Variants in ACTN1 observed in about 807,000 individuals in gnomAD.
ACTN1 encodes alpha-actinin-1.
ACTN1 carries 30 observed loss-of-function variants against 119.6 expected under a neutral mutation model. The ratio of observed to expected loss-of-function variants is 0.25; its 90% confidence interval spans 0.19 to 0.34. The LOEUF (loss-of-function observed/expected upper bound fraction) is 0.34. Among genes scored for constraint, ACTN1 ranks in the 10% least tolerant of loss-of-function variants. The pLI is 1.00. For missense variants in ACTN1, 764 were observed against 1,223.4 expected (o/e 0.62, Z 5.60); for synonymous variants, 429 against 472.6 (o/e 0.91, Z 1.20).
chr14:68,912,472 G>A (rs546680060), intron 3 of ACTN1, among the ~76,000 whole-genome samples: 3 of 152,226 alleles, frequency 2.0e-5, no homozygotes, highest in African/African-American at 7.2e-5. Flanking sequence ...TCCAAATCCT[G>A]GGCTCAAGCG....
intron 1 of ACTN1, among the ~76,000 whole-genome samples, chr14:68,938,864 T>A (rs904229736): frequency 6.6e-6 from 1 of 152,140 alleles, no homozygotes; most frequent in Admixed American, 6.5e-5. Context: ...TCCCCACTGA[T>A]GAGAGAACTC....
chr14:68,897,882 T>G lies in ACTN1; in HGVS notation c.763-4135A>C, dbSNP rs537192645. Among the ~76,000 whole-genome samples, 3 of 152,386 alleles carry G rather than the reference T, an allele frequency of 2.0e-5. No homozygotes were observed. In the South Asian group the frequency reaches 6.2e-4, roughly 32 times the overall value. On this transcript the variant is annotated intron_variant, in intron 8 of 21. Coordinates refer to ENST00000394419, the MANE Select transcript of ACTN1 (RefSeq NM_001130004.2). ...CTCAGGCAGCCCACACCTTGCCAGCTTCCTCTCCTACTGCAGGCTCCGCCT... is the reference window on the plus strand; with the variant it reads ...CTCAGGCAGCCCACACCTTGCCAGCGTCCTCTCCTACTGCAGGCTCCGCCT...
chr14:68,966,203 C>T (rs751922250), intron 1 of ACTN1, among the ~76,000 whole-genome samples: 2 of 151,984 alleles, frequency 1.3e-5, no homozygotes, highest in Non-Finnish European at 2.9e-5. Flanking sequence ...GGTGACAGAG[C>T]GAGACCCTGT....
At chr14:68,933,593 C>T (rs1051326114) in intron 1 of ACTN1, among the ~76,000 whole-genome samples, 5 of 152,180 alleles carry the variant, frequency 3.3e-5, no homozygotes, top group Admixed American at 2.6e-4. Context: ...CTCTGTATCA[C>T]GGCAGGAGGT....
intron 6 of ACTN1, among the ~76,000 whole-genome samples, chr14:68,905,122 C>T (rs2033587496): frequency 6.6e-6 from 1 of 152,222 alleles, no homozygotes; most frequent in Non-Finnish European, 1.5e-5. Context: ...CTAACCTGAC[C>T]TCAGCTTCTC....
At chr14:68,932,832 C>A (rs1430730418) in intron 1 of ACTN1, among the ~76,000 whole-genome samples, 1 of 152,126 alleles carries the variant, frequency 6.6e-6, no homozygotes, top group Admixed American at 6.5e-5. Flanking sequence ...CTGGACCACA[C>A]CCTAGTTGCT....
rs35909929 is a variant in ACTN1, at chr14:68,879,157, G to A, written c.2281-88C>T. ...GGCATGCCCCGGGGGAGGGTGGCGT[G>A]TGTGGGGAGACACAGGGACAGGCAT... On this transcript the variant is annotated intron_variant, in intron 18 of 21. Coordinates refer to ENST00000394419, the MANE Select transcript of ACTN1 (RefSeq NM_001130004.2). This position sits in a 1 kb window ranked among gnomAD's most constrained non-coding sequence, Gnocchi z 4.9. The A allele has an allele frequency of 4.6e-3, 4,665 of 1,005,420 alleles. 14 individuals carry two copies. Among genetic ancestry groups the A allele is most frequent in the Non-Finnish European group, 5.7e-3 (4,146 of 731,764 alleles). The allele number at this position is 1,005,420 out of a possible 1,614,324, so 62.3% of individuals were successfully genotyped here.
chr14:68,893,514 C>T, intron 9 of ACTN1, 141 bp downstream of exon 9: 2 of 760,414 alleles, frequency 2.6e-6, no homozygotes, highest in African/African-American at 3.5e-5. Flanking sequence ...CACAACAGAG[C>T]TCAGGCTGCC....
chr14:68,909,873 G>T lies in ACTN1; in HGVS notation c.515+82C>A. On this transcript the variant is annotated intron_variant, in intron 5 of 21. Transcript: ENST00000394419. The surrounding 1 kb of genome is among the most constrained non-coding windows in gnomAD (Gnocchi z 4.1). ...GGTCTCCACTTTGTTCTAAAGCTGAGACTGACCCAGCCAAGGGGGTCTGGG... is the reference window on the plus strand; with the variant it reads ...GGTCTCCACTTTGTTCTAAAGCTGATACTGACCCAGCCAAGGGGGTCTGGG... 8.1e-7 allele frequency: 1 copy of T among 1,234,712 alleles called. No homozygotes were observed. The highest frequency in any genetic ancestry group is 1.2e-6 in the Non-Finnish European group (1 of 850,336). 76.5% of individuals were successfully genotyped at this position (1,234,712 alleles called of 1,614,324 possible).
intron 14 of ACTN1, chr14:68,883,366 C>T (rs2031730698): frequency 3.1e-6 from 1 of 327,326 alleles, no homozygotes; most frequent in South Asian, 8.6e-5. Context: ...ACAACATGAG[C>T]TTCCTTAGCT....
intron 1 of ACTN1, among the ~76,000 whole-genome samples, chr14:68,949,944 A>T (rs8011150): frequency 6.6e-6 from 1 of 151,968 alleles, no homozygotes; most frequent in African/African-American, 2.4e-5. Context: ...AATTATCAGG[A>T]CTGGGGGTCA....
In ACTN1 at chr14:68,910,058, T is replaced by A. The variant is rs872810; in HGVS notation, c.428-16A>T. The A allele has an allele frequency of 6.2e-7, 1 of 1,609,608 alleles. No homozygotes were observed. The highest frequency in any genetic ancestry group is 1.1e-5 in the South Asian group (1 of 90,850). On this transcript the variant is annotated splice_polypyrimidine_tract_variant and intron_variant, in intron 4 of 21. Transcript: ENST00000394419. Reference sequence around the variant, plus strand: ...GCTGAAGTCTCTATGGGGAAGGGGATGGGCAGCGAGGTCAGAGGGCTGACT... The same window carrying A: ...GCTGAAGTCTCTATGGGGAAGGGGAAGGGCAGCGAGGTCAGAGGGCTGACT...
chr14:68,917,618 G>T (rs951987174), intron 3 of ACTN1, among the ~76,000 whole-genome samples: 1 of 152,144 alleles, frequency 6.6e-6, no homozygotes, highest in Non-Finnish European at 1.5e-5. Flanking sequence ...AACGCCATTT[G>T]CTGCCTCATC....
At chr14:68,875,369 G>A (rs1440235255) in intron 21 of ACTN1, among the ~76,000 whole-genome samples, 1 of 152,256 alleles carries the variant, frequency 6.6e-6, no homozygotes, top group Admixed American at 6.5e-5. Flanking sequence ...GGAGCGTATA[G>A]GTTCCTGGGG....
Position 68,902,516 on chromosome 14 carries a change from G to T in ACTN1, c.723C>A (p.Tyr241Ter). ...AGAAGGCGTGGTAGAAGCTAGACAC[G>T]TAAGTCATGATGGCTTTCTCATCCG... ...ARPDEKAIMTYVSSFYHAFSG... is the reference protein window; with the variant it reads ...ARPDEKAIMT The change falls in exon 8 of 22, where the codon TAC becomes TAA. Residue 241 changes from tyrosine (Y) to a stop codon, truncating the protein, a stop_gained. Transcript: ENST00000394419. LOFTEE classifies it high-confidence loss of function. 6.2e-7 allele frequency: 1 copy of T among 1,613,864 alleles called. No individual in the cohort carries two copies. Among genetic ancestry groups the T allele is most frequent in the Non-Finnish European group, 8.5e-7 (1 of 1,179,892 alleles).
chr14:68,966,878 A>G (rs1338569565), intron 1 of ACTN1, among the ~76,000 whole-genome samples: 1 of 152,226 alleles, frequency 6.6e-6, no homozygotes, highest in Non-Finnish European at 1.5e-5. Context: ...GCTCAGCCAA[A>G]TGCAATAACC....
chr14:68,963,217 G>A lies in ACTN1; in HGVS notation c.105+15735C>T, dbSNP rs920255297. ...AGGAAGTCCTACCTGTCTCCTCCAGGATGGGCTGGAGCCTTCCTTGGAACT... is the reference window on the plus strand; with the variant it reads ...AGGAAGTCCTACCTGTCTCCTCCAGAATGGGCTGGAGCCTTCCTTGGAACT... On this transcript the variant is annotated intron_variant, in intron 1 of 21. Coordinates refer to ENST00000394419, the MANE Select transcript of ACTN1 (RefSeq NM_001130004.2). Among the ~76,000 whole-genome samples, 7 of 152,060 alleles carry A rather than the reference G, an allele frequency of 4.6e-5. No homozygotes were observed. The East Asian group carries it at 1.2e-3, about 25-fold the overall frequency.
chr14:68,939,261 G>A (rs1378334672), intron 1 of ACTN1, among the ~76,000 whole-genome samples: 3 of 152,156 alleles, frequency 2.0e-5, no homozygotes, highest in African/African-American at 7.2e-5. Context: ...TCGCCAATGA[G>A]AGTCAACTGC....
rs1272994302 is a variant in ACTN1, at chr14:68,925,041, G to A, written c.220+517C>T. Among the ~76,000 whole-genome samples, 1 of 152,120 alleles carries A rather than the reference G, an allele frequency of 6.6e-6. No individual in the cohort carries two copies. Among genetic ancestry groups the A allele is most frequent in the Non-Finnish European group, 1.5e-5 (1 of 68,030 alleles). On this transcript the variant is annotated intron_variant, in intron 2 of 21. Coordinates refer to ENST00000394419, the MANE Select transcript of ACTN1 (RefSeq NM_001130004.2). The surrounding 1 kb of genome is among the most constrained non-coding windows in gnomAD (Gnocchi z 4.3). ...CAAGGTGAAGAGAGTAGCTAACATGGCCCAGTGTATCAACCAAGGCTAGAC... is the reference window on the plus strand; with the variant it reads ...CAAGGTGAAGAGAGTAGCTAACATGACCCAGTGTATCAACCAAGGCTAGAC...
Sources: allele counts gnomAD v4.1 joint callset (sites outside exome capture counted in the v4.1 genomes callset), GRCh38; gene constraint gnomAD v4.1.1; non-coding constraint Gnocchi (gnomAD v3.1); transcripts MANE v1.5; gene names NCBI Gene and HGNC (gene_info 2026-07-23, HGNC 2026-07-21).